The following FMN1 variants were observed in gnomAD, a reference collection of about 807,000 sequenced individuals.
FMN1 encodes formin-1.
Under a neutral mutation model 132.4 loss-of-function variants are expected in FMN1, and 110 were observed. The ratio of observed to expected loss-of-function variants is 0.83; its 90% confidence interval spans 0.71 to 0.97. The LOEUF (loss-of-function observed/expected upper bound fraction) is 0.97. Among genes scored for constraint, FMN1 ranks in the 50% least tolerant of loss-of-function variants. The pLI, the probability that FMN1 is intolerant of heterozygous loss-of-function variation, is 0.00. For synonymous variants in FMN1, 722 were observed against 651.7 expected (o/e 1.11, Z -1.64); for missense variants, 1,792 against 1,705.3 (o/e 1.05, Z -0.90).
At chr15:32,961,828 T>C (rs1332113491) in intron 9 of FMN1, among the ~76,000 whole-genome samples, 1 of 152,176 alleles carries the variant, frequency 6.6e-6, no homozygotes, top group Non-Finnish European at 1.5e-5. Flanking sequence ...TCACAGTCAA[T>C]GTGTGGCAGA....
intron 6 of FMN1, among the ~76,000 whole-genome samples, chr15:33,011,088 A>G (rs2034692829): frequency 6.6e-6 from 1 of 152,174 alleles, no homozygotes; most frequent in Non-Finnish European, 1.5e-5. Context: ...TGCCAATAAG[A>G]GCCAAGGAAT....
intron 4 of FMN1, among the ~76,000 whole-genome samples, chr15:33,115,196 T>G (rs1331509230): frequency 1.3e-5 from 2 of 152,112 alleles, no homozygotes; most frequent in Non-Finnish European, 2.9e-5. Flanking sequence ...AATTTAAGTG[T>G]TAAAAGGAGA....
In FMN1 at chr15:33,166,449, T is replaced by C. The variant is rs561053925; in HGVS notation, c.-131-11404A>G. On this transcript the variant is annotated intron_variant, in intron 3 of 20. Transcript: ENST00000616417. The stretch of plus-strand genomic sequence containing the variant: ...GCTGGATAGGACTTAAAATACAATA[T>C]AGTACTATATGCAGTGAAGCAAGTG... Among the ~76,000 whole-genome samples, 19 of 152,230 alleles carry C rather than the reference T, an allele frequency of 1.2e-4. No homozygotes were observed. The South Asian group carries it at 3.5e-3, about 28-fold the overall frequency.
intron 10 of FMN1, among the ~76,000 whole-genome samples, chr15:32,918,334 T>C (rs2060735148): frequency 6.6e-6 from 1 of 152,084 alleles, no homozygotes; most frequent in Admixed American, 6.6e-5. Context: ...GACTATAGTA[T>C]AGTTTATAAT....
At chr15:32,942,671 G>A (rs184273202) in intron 9 of FMN1, among the ~76,000 whole-genome samples, 35 of 152,220 alleles carry the variant, frequency 2.3e-4, no homozygotes, top group Admixed American at 2.2e-3. Flanking sequence ...ATACCAGATC[G>A]AGTGCATATT....
intron 2 of FMN1, among the ~76,000 whole-genome samples, chr15:33,186,173 T>TAAA (rs534215403): frequency 2.2e-5 from 3 of 136,336 alleles, no homozygotes; most frequent in Non-Finnish European, 3.2e-5. Flanking sequence ...GCTCTAAATG[T>TAAA]AAAAAAAAAA....
chr15:33,111,495 TA>T (rs1197148474), intron 4 of FMN1, among the ~76,000 whole-genome samples: 1 of 152,096 alleles, frequency 6.6e-6, no homozygotes, highest in Non-Finnish European at 1.5e-5. Flanking sequence ...CCAAGAAATA[TA>T]AAAGCACATG....
chr15:33,066,838 G>A, intron 5 of FMN1: 1 of 1,613,946 alleles, frequency 6.2e-7, no homozygotes, highest in South Asian at 1.1e-5. Context: ...TGTCAATGTT[G>A]AGCAGCAGAG....
intron 17 of FMN1, among the ~76,000 whole-genome samples, chr15:32,848,255 T>G (rs1021428366): frequency 9.9e-5 from 15 of 152,164 alleles, no homozygotes; most frequent in Non-Finnish European, 7.3e-5. Context: ...GAAGTGATGA[T>G]GGAAGCATGA....
At chr15:32,964,349 C>A in intron 8 of FMN1, 92 bp from the exon 9 acceptor site, 1 of 943,098 alleles carries the variant, frequency 1.1e-6, no homozygotes, top group Non-Finnish European at 1.6e-6. Context: ...TTTTTAATTT[C>A]ATTTTTCTAA....
At chr15:33,027,597 G>A (rs892594154) in intron 6 of FMN1, among the ~76,000 whole-genome samples, 1 of 147,980 alleles carries the variant, frequency 6.8e-6, no homozygotes, top group East Asian at 1.9e-4. Flanking sequence ...ATCTTCTGGG[G>A]TTTTGTTGTT....
At chr15:33,057,364 T>C (rs140197336) in intron 6 of FMN1, among the ~76,000 whole-genome samples, 3 of 152,330 alleles carry the variant, frequency 2.0e-5, no homozygotes, top group East Asian at 3.9e-4. Flanking sequence ...CAGAGCTATA[T>C]ACTCTTGTGT....
At chr15:32,797,316 T>C (rs577708988) in intron 19 of FMN1, among the ~76,000 whole-genome samples, 4 of 152,306 alleles carry the variant, frequency 2.6e-5, no homozygotes, top group Non-Finnish European at 4.4e-5. Context: ...GTGCTCAAAA[T>C]CTGAGGTGTA....
chr15:32,882,485 C>T (rs8030557), intron 16 of FMN1, among the ~76,000 whole-genome samples: 43,655 of 152,040 alleles, frequency 0.29, 6,883 homozygotes, highest in African/African-American at 0.42. Flanking sequence ...CCCTTAACCA[C>T]ATTTATAGAC....
At chr15:32,793,092 G>C (rs1015608137) in intron 19 of FMN1, among the ~76,000 whole-genome samples, 1 of 152,140 alleles carries the variant, frequency 6.6e-6, no homozygotes, top group Non-Finnish European at 1.5e-5. Flanking sequence ...GGGAAAAGGA[G>C]ACGGAATGAT....
At chr15:32,856,640 T>C (rs1453729396) in intron 17 of FMN1, among the ~76,000 whole-genome samples, 1 of 152,236 alleles carries the variant, frequency 6.6e-6, no homozygotes, top group Admixed American at 6.5e-5. Context: ...ACCATCCACC[T>C]GTCCAGGTTG....
At chr15:32,850,930 G>A (rs1483322868) in intron 17 of FMN1, among the ~76,000 whole-genome samples, 1 of 152,044 alleles carries the variant, frequency 6.6e-6, no homozygotes, top group Admixed American at 6.6e-5. Context: ...GTGGTGGCAG[G>A]TGCCTGTAGT....
At chr15:33,031,293 C>T (rs2035925897) in intron 6 of FMN1, among the ~76,000 whole-genome samples, 1 of 152,156 alleles carries the variant, frequency 6.6e-6, no homozygotes, top group African/African-American at 2.4e-5. Flanking sequence ...CAAGCCTAAG[C>T]TTTCTACCAT....
intron 4 of FMN1, among the ~76,000 whole-genome samples, chr15:33,108,938 T>C (rs2039591185): frequency 6.6e-6 from 1 of 152,104 alleles, no homozygotes. Flanking sequence ...ATATGAATCC[T>C]TCAGACAATC....
Sources: allele counts gnomAD v4.1 joint callset (sites outside exome capture counted in the v4.1 genomes callset), GRCh38; gene constraint gnomAD v4.1.1; transcripts MANE v1.5; gene names NCBI Gene and HGNC (gene_info 2026-07-23, HGNC 2026-07-21).